The following RUBCNL variants were observed in gnomAD, a reference collection of about 807,000 sequenced individuals.
RUBCNL encodes protein associated with UVRAG as autophagy enhancer.
A neutral mutation model predicts 69.5 loss-of-function variants in RUBCNL; 62 were observed. That is an observed-to-expected ratio of 0.89 (90% confidence interval 0.73 to 1.10). RUBCNL has a LOEUF of 1.10. Among genes scored for constraint, RUBCNL ranks in the 50% least tolerant of loss-of-function variants. RUBCNL has a pLI of 0.00. For synonymous variants in RUBCNL, 291 were observed against 303.6 expected, an observed-to-expected ratio of 0.96 and a Z score of 0.43; for missense variants, 768 against 798.1, an observed-to-expected ratio of 0.96 and a Z score of 0.45.
At chr13:46,361,616 A>T (rs1452459155) in intron 7 of RUBCNL, 43 bp from the exon 8 acceptor site, 1 of 1,553,382 alleles carries the variant, frequency 6.4e-7, no homozygotes, top group African/African-American at 1.4e-5. Context: ...TATATTCATG[A>T]GGAGTATGTT....
At chr13:46,382,438 G>GA (rs368778056) in intron 1 of RUBCNL, among the ~76,000 whole-genome samples, 15,327 of 144,692 alleles carry the variant, frequency 0.11, 1,014 homozygotes, top group Non-Finnish European at 0.15. Context: ...AAAAGGAAAA[G>GA]AAAAAAAAAA....
intron 1 of RUBCNL, among the ~76,000 whole-genome samples, chr13:46,384,118 A>G (rs2049182229): frequency 6.6e-6 from 1 of 152,212 alleles, no homozygotes; most frequent in Admixed American, 6.5e-5. Context: ...GCAACCAAAA[A>G]ACCCCCAGAT....
At chr13:46,352,595 G>A (rs894565616) in intron 10 of RUBCNL, among the ~76,000 whole-genome samples, 3 of 151,816 alleles carry the variant, frequency 2.0e-5, no homozygotes, top group African/African-American at 7.3e-5. Context: ...ACCTGAGGTT[G>A]GGAATTTGAG....
chr13:46,364,863 T>C (rs2048714696), intron 5 of RUBCNL, among the ~76,000 whole-genome samples: 1 of 152,156 alleles, frequency 6.6e-6, no homozygotes, highest in South Asian at 2.1e-4. Flanking sequence ...TCATTTAACA[T>C]ATTCATATTT....
At chr13:46,355,641 T>G (rs2138718831) in intron 10 of RUBCNL, among the ~76,000 whole-genome samples, 1 of 152,242 alleles carries the variant, frequency 6.6e-6, no homozygotes, top group East Asian at 1.9e-4. Flanking sequence ...CCAGGAATGA[T>G]CCTCTCAGGC....
At chr13:46,386,804 T>C (rs1432949884) in intron 1 of RUBCNL, among the ~76,000 whole-genome samples, 1 of 152,144 alleles carries the variant, frequency 6.6e-6, no homozygotes, top group Non-Finnish European at 1.5e-5. Flanking sequence ...GCAGGCTTTG[T>C]AGTCTCTGAG....
chr13:46,363,586 C>T (rs547263565), intron 5 of RUBCNL, among the ~76,000 whole-genome samples: 5 of 152,192 alleles, frequency 3.3e-5, no homozygotes, highest in African/African-American at 9.6e-5. Flanking sequence ...GGGGCAGGGG[C>T]GTGCACTTGT....
At chr13:46,363,748 C>T (rs2048684902) in intron 5 of RUBCNL, among the ~76,000 whole-genome samples, 1 of 151,654 alleles carries the variant, frequency 6.6e-6, no homozygotes, top group Admixed American at 6.6e-5. Context: ...GTAGTCCCAG[C>T]TGCTCAAAAG....
intron 2 of RUBCNL, among the ~76,000 whole-genome samples, chr13:46,374,183 A>G (rs2048938764): frequency 6.6e-6 from 1 of 152,190 alleles, no homozygotes. Context: ...AGGTTCAAGC[A>G]GTTCTCTGCC....
In RUBCNL at chr13:46,338,024, G is replaced by C. The variant is rs541175266; in HGVS notation, c.*5361C>G. On this transcript the variant is annotated 3_prime_UTR_variant, in exon 15 of 15. Transcript: ENST00000429979. ...AGAGCTGTCCCCAGTAGAATAATGA[G>C]GTAAATGCAGATATCAGAGTGTAAG... 6.6e-6 allele frequency among the ~76,000 whole-genome samples: 1 copy of C among 152,236 alleles called. No homozygotes were observed. Among genetic ancestry groups the C allele is most frequent in the African/African-American group, 2.4e-5 (1 of 41,542 alleles).
At chr13:46,353,103 C>T (rs993549679) in intron 10 of RUBCNL, among the ~76,000 whole-genome samples, 1 of 152,068 alleles carries the variant, frequency 6.6e-6, no homozygotes, top group African/African-American at 2.4e-5. Flanking sequence ...TGTCCCACTC[C>T]TCCTCCGCTG....
intron 10 of RUBCNL, among the ~76,000 whole-genome samples, chr13:46,353,266 C>T (rs2048410481): frequency 6.6e-6 from 1 of 152,152 alleles, no homozygotes; most frequent in South Asian, 2.1e-4. Flanking sequence ...TCTAGAGTCG[C>T]CATGAACACT....
At chr13:46,362,403 T>C (rs2048634071) in intron 7 of RUBCNL, 135 bp downstream of exon 7, 2 of 494,392 alleles carry the variant, frequency 4.0e-6, no homozygotes, top group South Asian at 3.7e-5. Flanking sequence ...TTCTAGGTGA[T>C]ACTCTCCTAG....
intron 2 of RUBCNL, 76 bp from the exon 3 acceptor site, chr13:46,372,673 A>G: frequency 7.4e-7 from 1 of 1,350,948 alleles, no homozygotes; most frequent in Non-Finnish European, 9.7e-7. Flanking sequence ...TTGAGATGGC[A>G]AAACCCAAAA....
At chr13:46,350,037 C>A (rs2048335888) in intron 11 of RUBCNL, 76 bp downstream of exon 11, 1 of 1,140,582 alleles carries the variant, frequency 8.8e-7, no homozygotes, top group African/African-American at 1.5e-5. Flanking sequence ...CTGTGGGTTC[C>A]CCAAGCTAGT....
At chr13:46,388,093 T>G (rs189695882), upstream of RUBCNL, among the ~76,000 whole-genome samples, 1,169 of 149,198 alleles carry the variant, frequency 7.8e-3, 23 homozygotes, top group African/African-American at 0.027. Context: ...GTGCCTGTTA[T>G]GCCGGCTACT....
rs931174191 is a variant in RUBCNL, at chr13:46,368,287, C to T, written c.619-38G>A. The T allele has an allele frequency of 3.2e-6, 5 of 1,571,900 alleles. No individual in the cohort carries two copies. The African/African-American group carries it at 5.4e-5, about 17-fold the overall frequency. On this transcript the variant is annotated intron_variant, in intron 4 of 14. Coordinates refer to ENST00000429979, the MANE Select transcript of RUBCNL (RefSeq NM_025113.5). Reference sequence around the variant, plus strand: ...AAATCAATTAAAATACAAGCATAATCAACTTTTTCATGGAGGGTATATTAG... The same window carrying T: ...AAATCAATTAAAATACAAGCATAATTAACTTTTTCATGGAGGGTATATTAG...
intron 4 of RUBCNL, 189 bp from the exon 5 acceptor site, chr13:46,368,438 G>A (rs1408185): frequency 0.21 from 208,822 of 983,152 alleles, 25,355 homozygotes; most frequent in East Asian, 0.58. Context: ...CATAGATTCG[G>A]CTTACTATAA....
chr13:46,372,670 G>T, intron 2 of RUBCNL, 73 bp from the exon 3 acceptor site: 1 of 1,369,742 alleles, frequency 7.3e-7, no homozygotes, highest in Non-Finnish European at 9.5e-7. Flanking sequence ...ATTTTGAGAT[G>T]GCAAAACCCA....
Sources: allele counts gnomAD v4.1 joint callset (sites outside exome capture counted in the v4.1 genomes callset), GRCh38; gene constraint gnomAD v4.1.1; transcripts MANE v1.5; gene names NCBI Gene and HGNC (gene_info 2026-07-23, HGNC 2026-07-21).